Variants in TAF6L observed in about 807,000 individuals in gnomAD.
The protein encoded by TAF6L is TATA-box binding protein associated factor 6 like, also known as TAF6-like RNA polymerase II p300/CBP-associated factor-associated factor 65 kDa subunit 6L.
Under a neutral mutation model 57.3 loss-of-function variants are expected in TAF6L, and 34 were observed. The ratio of observed to expected loss-of-function variants is 0.59; its 90% CI spans 0.45 to 0.79. The LOEUF is 0.79. Ranked by LOEUF, TAF6L falls within the 30% of genes least tolerant of loss-of-function variation. The pLI, the probability that TAF6L is intolerant of heterozygous loss-of-function variation, is 0.00. For synonymous variants in TAF6L, 417 were observed against 376.3 expected, an observed-to-expected ratio of 1.11 and a Z score of -1.25; for missense variants, 782 against 853.2, an observed-to-expected ratio of 0.92 and a Z score of 1.04.
chr11:62,782,038 T>A, intron 7 of TAF6L, 70 bp downstream of exon 7: 1 of 1,595,302 alleles, frequency 6.3e-7, no homozygotes, highest in East Asian at 2.2e-5. Flanking sequence ...GTAGGGCTCA[T>A]GGCAAGTGCT....
chr11:62,771,634 C>T (rs897914497), intron 1 of TAF6L, 144 bp downstream of exon 1: 24 of 178,560 alleles, frequency 1.3e-4, no homozygotes, highest in Admixed American at 1.3e-3. Context: ...CTCCTCCCCC[C>T]GCGCACCCCC....
At position 62,786,728 on chromosome 11, in the gene TAF6L, C is replaced by T. The variant is rs200048334; in HGVS notation, c.1301C>T (p.Ser434Leu). ...GCGGGGCCGGAGGACCCTTCTCTTT[C>T]GGTGACCCTGGCCGACATCTACCGG... ...GGAGPEDPSL[S>L]VTLADIYREL... is the part of the protein sequence containing the mutation. The change falls in exon 11 of 11, where the codon TCG (serine) becomes TTG (leucine). Residue 434 changes from serine (S) to leucine (L), a missense_variant. Around this residue, in one of 3 missense-constraint regions of TAF6L, gnomAD observed 483 missense variants for 445.1 expected, o/e 1.09. Transcript: ENST00000294168. 4.3e-6 allele frequency: 7 copies of T among 1,613,226 alleles called. No individual in the cohort carries two copies. The Admixed American group carries it at 5.0e-5, about 12-fold the overall frequency.
At chr11:62,772,288 G>A (rs12803988) in intron 1 of TAF6L, among the ~76,000 whole-genome samples, 12,212 of 151,910 alleles carry the variant, frequency 0.08, 665 homozygotes, top group Non-Finnish European at 0.12. Context: ...TTGGGAGGCC[G>A]AGGCACCTGG....
Position 62,778,981 on chromosome 11 carries a change from A to C in TAF6L, c.531+18A>C. 6.3e-7 allele frequency: 1 copy of C among 1,587,462 alleles called. No individual in the cohort carries two copies. Among genetic ancestry groups the C allele is most frequent in the Non-Finnish European group, 8.6e-7 (1 of 1,157,252 alleles). ...TGATGAAGGTGAGCGAGTGGGCCCA[A>C]GTTGGGGCACAAAGTTGAAATTGTA... is the stretch of plus-strand genomic sequence containing the variant. On this transcript the variant is annotated intron_variant, in intron 6 of 10. Transcript: ENST00000294168.
At chr11:62,777,658 G>A (rs1159396799) in intron 3 of TAF6L, among the ~76,000 whole-genome samples, 1 of 152,180 alleles carries the variant, frequency 6.6e-6, no homozygotes, top group Non-Finnish European at 1.5e-5. Context: ...GAGAGAGGAA[G>A]GCTATGTTTA....
intron 9 of TAF6L, among the ~76,000 whole-genome samples, chr11:62,783,205 G>A (rs1020642715): frequency 3.9e-5 from 6 of 152,166 alleles, no homozygotes; most frequent in African/African-American, 7.2e-5. Context: ...TGTTGGCGCC[G>A]GGCGCAGTGG....
intron 6 of TAF6L, among the ~76,000 whole-genome samples, chr11:62,779,972 ATATAT>A (rs1158603387): frequency 2.9e-4 from 18 of 61,480 alleles, no homozygotes; most frequent in African/African-American, 8.8e-4. Context: ...ATATATATAT[ATATAT>A]TTTTTTTTTT....
rs367718582 is a variant in TAF6L, at chr11:62,787,194, C to A, written c.1767C>A (p.Ser589Arg). Residue 589 changes from serine to arginine, a missense_variant, in exon 11 of 11, where the codon AGC (serine) becomes AGA (arginine). Coordinates refer to ENST00000294168, the MANE Select transcript of TAF6L (RefSeq NM_006473.4). ...CCTTCCCCGCGCCGTACGGGCCTAGCCCGGCCTCGCGCTACGTGCAGAAAC... is the reference window on the plus strand; with the variant it reads ...CCTTCCCCGCGCCGTACGGGCCTAGACCGGCCTCGCGCTACGTGCAGAAAC... ...QTAFPAPYGP[S>R]PASRYVQKLP... 230 of 1,588,828 alleles carry A rather than the reference C, an allele frequency of 1.4e-4. No individual in the cohort carries two copies. In the African/African-American group the frequency reaches 3.0e-3, roughly 20 times the overall value.
In TAF6L at chr11:62,786,811, G is replaced by T. The variant is rs766389869; in HGVS notation, c.1384G>T (p.Ala462Ser). ...CACACGCTTTGGCACCGGCCAGCCT[G>T]CACCCACGGCTCCGCGGCCGCCCGG... ...LATRFGTGQP[A>S]PTAPRPPGDK... is the part of the protein sequence containing the mutation. The change falls in exon 11 of 11, where the codon GCA becomes TCA. Residue 462 changes from alanine to serine, a missense_variant. By Grantham distance (99) the Ala-to-Ser change is moderately conservative. This residue lies in a region of TAF6L where 483 missense variants were observed against 445.1 expected (regional missense o/e 1.09). Coordinates refer to ENST00000294168, the MANE Select transcript of TAF6L (RefSeq NM_006473.4). 6.2e-7 allele frequency: 1 copy of T among 1,607,652 alleles called. No homozygotes were observed. The highest frequency in any genetic ancestry group is 1.1e-5 in the South Asian group (1 of 90,966).
At chr11:62,778,501 G>T in intron 5 of TAF6L, 166 bp downstream of exon 5, 1 of 776,292 alleles carries the variant, frequency 1.3e-6, no homozygotes, top group Non-Finnish European at 2.1e-6. Flanking sequence ...GCTCAGAGTT[G>T]GAGATGGGGG....
intron 9 of TAF6L, among the ~76,000 whole-genome samples, chr11:62,785,867 C>T (rs899148756): frequency 1.3e-5 from 2 of 152,154 alleles, no homozygotes; most frequent in Non-Finnish European, 2.9e-5. Flanking sequence ...TAATCAGAGT[C>T]CAAGTCTCTG....
At chr11:62,785,881 G>T (rs2084270055) in intron 9 of TAF6L, 1 of 161,080 alleles carries the variant, frequency 6.2e-6, no homozygotes, top group Non-Finnish European at 1.4e-5. Flanking sequence ...GTCTCTGGTT[G>T]GTTGTTTTTA....
At chr11:62,778,609 G>A (rs899531206) in intron 5 of TAF6L, 6 of 614,266 alleles carry the variant, frequency 9.8e-6, no homozygotes, top group South Asian at 3.9e-5. Flanking sequence ...GGTATGCTGA[G>A]CAGAGCTTCA....
At chr11:62,779,970 A>ATTTTTTTTTT (rs1263442687) in intron 6 of TAF6L, among the ~76,000 whole-genome samples, 1 of 64,414 alleles carries the variant, frequency 1.6e-5, no homozygotes, top group African/African-American at 4.5e-5. Context: ...ATATATATAT[A>ATTTTTTTTTT]TATATATTTT....
intron 9 of TAF6L, among the ~76,000 whole-genome samples, chr11:62,784,190 A>T (rs1000632081): frequency 2.7e-5 from 4 of 148,420 alleles, no homozygotes; most frequent in Admixed American, 1.3e-4. Flanking sequence ...GGGTTTCACA[A>T]TGTTGGCCAG....
intron 1 of TAF6L, among the ~76,000 whole-genome samples, chr11:62,772,675 C>T (rs534318032): frequency 6.6e-6 from 1 of 150,390 alleles, no homozygotes; most frequent in South Asian, 2.1e-4. Flanking sequence ...ACTAAAAATA[C>T]AAAAATTAGC....
intron 4 of TAF6L, 68 bp from the exon 5 acceptor site, chr11:62,778,217 T>G: frequency 6.2e-7 from 1 of 1,613,504 alleles, no homozygotes; most frequent in South Asian, 1.1e-5. Flanking sequence ...GAGGCAGAAC[T>G]TGGAGGGGTA....
intron 6 of TAF6L, 24 bp from the exon 7 acceptor site, chr11:62,781,870 T>G: frequency 6.2e-7 from 1 of 1,610,714 alleles, no homozygotes; most frequent in Non-Finnish European, 8.5e-7. Flanking sequence ...GTGGATCCAA[T>G]GCAGTCTGGG....
intron 9 of TAF6L, among the ~76,000 whole-genome samples, chr11:62,783,263 A>C (rs1289595448): frequency 1.3e-5 from 2 of 152,098 alleles, no homozygotes; most frequent in Non-Finnish European, 2.9e-5. Flanking sequence ...TGGGCGGATC[A>C]CAAGGTCAGG....
Sources: allele counts gnomAD v4.1 joint callset (sites outside exome capture counted in the v4.1 genomes callset), GRCh38; gene constraint gnomAD v4.1.1; regional missense constraint gnomAD v4.1.1; transcripts MANE v1.5; gene names NCBI Gene and HGNC (gene_info 2026-07-23, HGNC 2026-07-21).